The following PARD3 variants were observed in gnomAD, a reference collection of about 807,000 sequenced individuals.
The protein encoded by PARD3 is par-3 family cell polarity regulator, also known as partitioning defective 3 homolog.
A neutral mutation model predicts 155.4 loss-of-function variants in PARD3; 75 were observed. That is an observed-to-expected ratio of 0.48 (90% confidence interval 0.40 to 0.58). The LOEUF (loss-of-function observed/expected upper bound fraction) is 0.58. Among genes scored for constraint, PARD3 ranks in the 20% least tolerant of loss-of-function variants. The pLI, the probability that PARD3 is intolerant of heterozygous loss-of-function variation, is 0.00. For synonymous variants in PARD3, 576 were observed against 610.5 expected, an observed-to-expected ratio of 0.94 and a Z score of 0.83; for missense variants, 1,642 against 1,721.7, an observed-to-expected ratio of 0.95 and a Z score of 0.82.
chr10:34,747,394 C>A (rs899810678), intron 1 of PARD3, among the ~76,000 whole-genome samples: 2 of 152,080 alleles, frequency 1.3e-5, no homozygotes, highest in African/African-American at 4.8e-5. Context: ...CCAAACCACA[C>A]AAGGTTATGT....
intron 2 of PARD3, among the ~76,000 whole-genome samples, chr10:34,554,051 G>C (rs1386260927): frequency 6.6e-6 from 1 of 152,158 alleles, no homozygotes; most frequent in African/African-American, 2.4e-5. Context: ...CATTCCATCA[G>C]CTATTCCAGT....
At chr10:34,343,994 T>A in intron 15 of PARD3, 1 of 982,738 alleles carries the variant, frequency 1.0e-6, no homozygotes, top group South Asian at 4.7e-5. Flanking sequence ...GTTTCATTTT[T>A]CTATGTCAAA....
chr10:34,160,579 T>C (rs1263749716), intron 22 of PARD3, among the ~76,000 whole-genome samples: 1 of 152,252 alleles, frequency 6.6e-6, no homozygotes, highest in Non-Finnish European at 1.5e-5. Context: ...CACTACATTT[T>C]ACAGACTGTG....
chr10:34,311,843 T>C (rs1957717979), intron 20 of PARD3, among the ~76,000 whole-genome samples: 1 of 152,188 alleles, frequency 6.6e-6, no homozygotes. Context: ...CATCTGGTCA[T>C]GAATCTATCC....
chr10:34,119,558 C>T (rs537439289), intron 24 of PARD3, 55 bp downstream of exon 24: 1 of 1,525,718 alleles, frequency 6.6e-7, no homozygotes, highest in Non-Finnish European at 8.9e-7. Context: ...TCCTAAAGGG[C>T]GGGGGATCTT....
At chr10:34,408,275 A>T (rs893228009) in intron 5 of PARD3, among the ~76,000 whole-genome samples, 33 of 152,082 alleles carry the variant, frequency 2.2e-4, no homozygotes, top group African/African-American at 6.3e-4. Flanking sequence ...AAGTGTTTTT[A>T]AAAAAAATTA....
At chr10:34,182,197 T>C (rs1234142627) in intron 22 of PARD3, among the ~76,000 whole-genome samples, 1 of 152,208 alleles carries the variant, frequency 6.6e-6, no homozygotes, top group Non-Finnish European at 1.5e-5. Context: ...AGAGCTCCCC[T>C]GCCCCAGGCC....
At chr10:34,370,122 C>T (rs1201716897) in intron 12 of PARD3, among the ~76,000 whole-genome samples, 4 of 151,956 alleles carry the variant, frequency 2.6e-5, no homozygotes, top group South Asian at 2.1e-4. Flanking sequence ...TGTGAGAGCA[C>T]GCATAAAAAA....
intron 15 of PARD3, chr10:34,343,229 T>C (rs1409539481): frequency 1.5e-6 from 1 of 674,634 alleles, no homozygotes; most frequent in Non-Finnish European, 1.8e-6. Flanking sequence ...CAATATTAAA[T>C]ACCAAATACT....
At chr10:34,318,686 G>A (rs572773327) in intron 19 of PARD3, among the ~76,000 whole-genome samples, 13 of 152,210 alleles carry the variant, frequency 8.5e-5, no homozygotes, top group South Asian at 4.1e-4. Flanking sequence ...GTATAGCTAC[G>A]CCCAAGTAAC....
At chr10:34,573,736 AACACACACACACACACACAC>A (rs60211169) in intron 2 of PARD3, among the ~76,000 whole-genome samples, 9 of 39,574 alleles carry the variant, frequency 2.3e-4, no homozygotes, top group African/African-American at 6.1e-4. Flanking sequence ...AACAAACAAA[AACACACACACACACACACAC>A]ACACACACAC....
intron 5 of PARD3, among the ~76,000 whole-genome samples, chr10:34,448,136 T>TGC (rs1249093395): frequency 9.1e-6 from 1 of 110,038 alleles, no homozygotes; most frequent in Non-Finnish European, 2.0e-5. Flanking sequence ...ATACACTGCG[T>TGC]GTGTGTGTGT....
At chr10:34,240,142 G>C (rs1321015389) in intron 22 of PARD3, among the ~76,000 whole-genome samples, 2 of 152,162 alleles carry the variant, frequency 1.3e-5, no homozygotes, top group African/African-American at 4.8e-5. Context: ...GAGGCTTAGA[G>C]GTTAAGCAAC....
rs1185067110 is a variant in PARD3, at chr10:34,120,004, A to ATTTT, written c.3541-268_3541-265dup. Among the ~76,000 whole-genome samples the ATTTT allele has an allele frequency of 3.5e-3, 261 of 73,824 alleles. 28 individuals carry two copies. Among genetic ancestry groups the ATTTT allele is most frequent in the African/African-American group, 8.7e-3 (148 of 17,052 alleles). The allele number at this position is 73,824 out of a possible 152,430, so 48.4% of individuals were successfully genotyped here. On this transcript the variant is annotated intron_variant, in intron 23 of 24. Coordinates refer to ENST00000374788, the MANE Select transcript of PARD3 (RefSeq NM_001184785.2). Reference sequence around the variant, plus strand: ...AGATCAAACTTTCTAGTCTTCTTTAATTTTTTTTTTTTTTTTTTTTTTTTT... The same window carrying ATTTT: ...AGATCAAACTTTCTAGTCTTCTTTAATTTTTTTTTTTTTTTTTTTTTTTTTTTTT...
At chr10:34,763,022 C>T (rs1465821124) in intron 1 of PARD3, among the ~76,000 whole-genome samples, 2 of 152,158 alleles carry the variant, frequency 1.3e-5, no homozygotes, top group East Asian at 1.9e-4. Flanking sequence ...TATCAGAAGG[C>T]GTATTTGTTC....
chr10:34,249,291 C>A (rs977870083), intron 22 of PARD3, among the ~76,000 whole-genome samples: 1 of 152,158 alleles, frequency 6.6e-6, no homozygotes, highest in Non-Finnish European at 1.5e-5. Flanking sequence ...GGATTACAGG[C>A]ATGAGCCAGC....
chr10:34,231,480 T>C (rs1952929167), intron 22 of PARD3, among the ~76,000 whole-genome samples: 1 of 151,996 alleles, frequency 6.6e-6, no homozygotes, highest in East Asian at 1.9e-4. Context: ...TTACAGATGA[T>C]CATCTTTCAG....
At chr10:34,406,911 A>C (rs931345718) in intron 5 of PARD3, among the ~76,000 whole-genome samples, 1 of 152,090 alleles carries the variant, frequency 6.6e-6, no homozygotes, top group Non-Finnish European at 1.5e-5. Context: ...GTGCTGTGAC[A>C]CTGGCTATTG....
chr10:34,687,016 T>A (rs2093963843), intron 2 of PARD3, among the ~76,000 whole-genome samples: 1 of 151,752 alleles, frequency 6.6e-6, no homozygotes, highest in Non-Finnish European at 1.5e-5. Flanking sequence ...GCCACTGCAC[T>A]CCAGTCCGGG....
Sources: allele counts gnomAD v4.1 joint callset (sites outside exome capture counted in the v4.1 genomes callset), GRCh38; gene constraint gnomAD v4.1.1; transcripts MANE v1.5; gene names NCBI Gene and HGNC (gene_info 2026-07-23, HGNC 2026-07-21).